Variants in ATRNL1 observed in about 807,000 individuals in gnomAD.
The protein encoded by ATRNL1 is attractin like 1, also known as attractin-like protein 1.
ATRNL1 carries 95 observed loss-of-function variants against 182.7 expected under a neutral mutation model. The ratio of observed to expected loss-of-function variants is 0.52; its 90% CI spans 0.44 to 0.62. The LOEUF (loss-of-function observed/expected upper bound fraction) is 0.62. ATRNL1 is among the 20% of genes least tolerant of loss of function. The pLI, the probability that ATRNL1 is intolerant of heterozygous loss-of-function variation, is 0.00. For missense variants in ATRNL1, 1,471 were observed against 1,679.5 expected (o/e 0.88, Z 2.17); for synonymous variants, 576 against 568.3 (o/e 1.01, Z -0.19).
At chr10:115,676,371 G>A (rs1945861042) in intron 26 of ATRNL1, among the ~76,000 whole-genome samples, 1 of 151,970 alleles carries the variant, frequency 6.6e-6, no homozygotes. Flanking sequence ...TGTTTATTCA[G>A]CAATACCTTG....
At chr10:115,612,212 A>G (rs1195954753) in intron 26 of ATRNL1, among the ~76,000 whole-genome samples, 1 of 151,924 alleles carries the variant, frequency 6.6e-6, no homozygotes, top group Admixed American at 6.6e-5. Context: ...AGATTAAGCC[A>G]TTGCACTCCA....
chr10:115,518,919 G>T (rs570404071), intron 24 of ATRNL1, among the ~76,000 whole-genome samples: 51 of 152,038 alleles, frequency 3.4e-4, no homozygotes, highest in Non-Finnish European at 4.1e-4. Flanking sequence ...TATATAGGGA[G>T]AAAATTCCCT....
chr10:115,378,158 T>C (rs1554950054), intron 19 of ATRNL1, among the ~76,000 whole-genome samples: 1 of 152,188 alleles, frequency 6.6e-6, no homozygotes, highest in East Asian at 1.9e-4. Context: ...CATACGTGTG[T>C]GTTTACTAGC....
intron 28 of ATRNL1, among the ~76,000 whole-genome samples, chr10:115,915,664 A>T (rs941750861): frequency 6.6e-6 from 1 of 152,208 alleles, no homozygotes; most frequent in South Asian, 2.1e-4. Context: ...TTGATTGATT[A>T]TCTTAGCTGG....
intron 19 of ATRNL1, among the ~76,000 whole-genome samples, chr10:115,368,544 G>A (rs976542759): frequency 2.8e-4 from 43 of 152,102 alleles, no homozygotes; most frequent in African/African-American, 7.7e-4. Flanking sequence ...ATCTTGGCTC[G>A]CAGTACATTG....
At chr10:115,837,469 CACACACACA>C (rs1555095836) in intron 27 of ATRNL1, among the ~76,000 whole-genome samples, 1 of 262 alleles carries the variant, frequency 3.8e-3, no homozygotes, top group East Asian at 0.1. Context: ...TCCCAAGCCA[CACACACACA>C]CACACACACA....
At chr10:115,528,654 T>C (rs1038483364) in intron 25 of ATRNL1, among the ~76,000 whole-genome samples, 12 of 152,086 alleles carry the variant, frequency 7.9e-5, no homozygotes, top group Non-Finnish European at 1.3e-4. Flanking sequence ...ATATTTATAA[T>C]TTCCTTCATT....
At chr10:115,881,018 C>A (rs1416739997) in intron 28 of ATRNL1, among the ~76,000 whole-genome samples, 1 of 152,186 alleles carries the variant, frequency 6.6e-6, no homozygotes, top group Non-Finnish European at 1.5e-5. Context: ...GACTCAGAGG[C>A]AGGTGGTACC....
chr10:115,263,424 A>G (rs116105519), intron 10 of ATRNL1, among the ~76,000 whole-genome samples: 1,786 of 151,926 alleles, frequency 0.012, 34 homozygotes, highest in African/African-American at 0.04. Context: ...TGGTCCAGCT[A>G]CTATGGAAAA....
intron 26 of ATRNL1, among the ~76,000 whole-genome samples, chr10:115,684,266 A>G (rs1356228569): frequency 1.3e-5 from 2 of 151,286 alleles, no homozygotes; most frequent in Non-Finnish European, 3.0e-5. Flanking sequence ...AGATATTTCT[A>G]CAAATTTATA....
At chr10:115,824,678 T>C (rs1271751755) in intron 27 of ATRNL1, among the ~76,000 whole-genome samples, 4 of 152,170 alleles carry the variant, frequency 2.6e-5, no homozygotes, top group Admixed American at 2.6e-4. Context: ...AAGCTCATCA[T>C]CTATGGTGAT....
chr10:115,699,109 A>G (rs1411297769), intron 26 of ATRNL1, among the ~76,000 whole-genome samples: 1 of 152,170 alleles, frequency 6.6e-6, no homozygotes, highest in Non-Finnish European at 1.5e-5. Flanking sequence ...CTTTGTTGAG[A>G]GGGATTAATG....
At chr10:115,429,911 C>CA (rs1252184877) in intron 21 of ATRNL1, among the ~76,000 whole-genome samples, 2 of 152,004 alleles carry the variant, frequency 1.3e-5, no homozygotes, top group African/African-American at 2.4e-5. Flanking sequence ...ACTAAAAATA[C>CA]AAAAACAAAA....
At chr10:115,531,705 T>G (rs1408288951) in intron 25 of ATRNL1, among the ~76,000 whole-genome samples, 7 of 151,272 alleles carry the variant, frequency 4.6e-5, no homozygotes, top group Non-Finnish European at 1.0e-4. Flanking sequence ...TCCTTGCCCA[T>G]GCCTATGTCC....
intron 8 of ATRNL1, among the ~76,000 whole-genome samples, chr10:115,210,644 T>C (rs1328180456): frequency 6.6e-6 from 1 of 151,978 alleles, no homozygotes; most frequent in Non-Finnish European, 1.5e-5. Context: ...TTCCTTTTCT[T>C]GTGCCTCTTT....
intron 21 of ATRNL1, among the ~76,000 whole-genome samples, chr10:115,442,270 GCTCTCTCTCTCTCTCT>G (rs71895625): frequency 1.0e-5 from 1 of 100,402 alleles, no homozygotes; most frequent in Admixed American, 9.7e-5. Flanking sequence ...ATTTGTGTTT[GCTCTCTCTCTCTCTCT>G]CTCTCTCTCT....
At chr10:115,530,950 G>A (rs1366982058) in intron 25 of ATRNL1, among the ~76,000 whole-genome samples, 5 of 151,664 alleles carry the variant, frequency 3.3e-5, no homozygotes, top group African/African-American at 1.2e-4. Flanking sequence ...CCTACAAAGG[G>A]CATGAACTCA....
At chr10:115,408,650 A>G (rs773763607) in intron 20 of ATRNL1, among the ~76,000 whole-genome samples, 1 of 151,994 alleles carries the variant, frequency 6.6e-6, no homozygotes, top group Non-Finnish European at 1.5e-5. Context: ...TCCCAGATCC[A>G]TGTCCTGAAG....
At chr10:115,871,265 A>C (rs895243658) in intron 28 of ATRNL1, among the ~76,000 whole-genome samples, 3 of 151,790 alleles carry the variant, frequency 2.0e-5, no homozygotes, top group Non-Finnish European at 2.9e-5. Context: ...TTATTCCCAT[A>C]ATCTTACAAA....
Sources: gnomAD v4.1 joint callset for allele counts (sites outside exome capture counted in the v4.1 genomes callset) on GRCh38, gnomAD v4.1.1 for gene constraint, MANE v1.5 for transcripts, NCBI Gene and HGNC (gene_info 2026-07-23, HGNC 2026-07-21) for gene names.